The following PRKG2 variants were observed in gnomAD, a reference collection of about 807,000 sequenced individuals.
The protein encoded by PRKG2 is cGMP-dependent protein kinase 2.
PRKG2 carries 33 observed loss-of-function variants against 97.2 expected under a neutral mutation model. The observed-to-expected ratio is 0.34, with a 90% confidence interval of 0.26 to 0.45. The LOEUF (loss-of-function observed/expected upper bound fraction) is 0.45, where lower values mean the gene tolerates loss of function less well. Ranked by LOEUF, PRKG2 falls within the 20% of genes least tolerant of loss-of-function variation. PRKG2 has a pLI of 1.00. For synonymous variants in PRKG2, 330 were observed against 321.8 expected (o/e 1.03, Z -0.27); for missense variants, 638 against 900.0 (o/e 0.71, Z 3.73).
intron 18 of PRKG2, among the ~76,000 whole-genome samples, chr4:81,091,280 T>C (rs912221599): frequency 6.6e-6 from 1 of 151,938 alleles, no homozygotes; most frequent in African/African-American, 2.4e-5. Context: ...GTTTTTATTA[T>C]TATTATTATT....
Position 81,167,224 on chromosome 4 carries a change from A to C in PRKG2, c.849T>G (p.Ser283Arg). The change falls in exon 6 of 19, where the codon AGT becomes AGG. Residue 283 changes from serine (S) to arginine (R), a missense_variant and splice_region_variant. Physicochemically the swap from Ser to Arg is moderately radical, Grantham distance 110 (BLOSUM62 -1). This residue lies in a region of PRKG2 where 332 missense variants were observed against 421.7 expected (regional missense o/e 0.79). Coordinates refer to ENST00000264399, the MANE Select transcript of PRKG2 (RefSeq NM_006259.3). ...CAGGTAAATTCTTCAGCAAGGATACACTTCAAAATTAAAAAGAAACCTTCA... is the reference window on the plus strand; with the variant it reads ...CAGGTAAATTCTTCAGCAAGGATACCCTTCAAAATTAAAAAGAAACCTTCA... ...RDEQYRNFLR[S>R]VSLLKNLPED... is the part of the protein sequence containing the mutation. 6.3e-7 allele frequency: 1 copy of C among 1,579,454 alleles called. No individual in the cohort carries two copies. The highest frequency in any genetic ancestry group is 2.3e-5 in the East Asian group (1 of 44,378).
At chr4:81,210,728 T>C (rs1305102058) in intron 1 of PRKG2, among the ~76,000 whole-genome samples, 1 of 152,182 alleles carries the variant, frequency 6.6e-6, no homozygotes, top group East Asian at 1.9e-4. Flanking sequence ...ATGAGACATA[T>C]GTTTTCACTA....
chr4:81,153,077 T>C (rs932527597), intron 7 of PRKG2, among the ~76,000 whole-genome samples: 2 of 152,250 alleles, frequency 1.3e-5, no homozygotes, highest in African/African-American at 2.4e-5. Flanking sequence ...TTGGAACAAC[T>C]GGCAACATGT....
intron 2 of PRKG2, among the ~76,000 whole-genome samples, chr4:81,204,226 T>G (rs1279602399): frequency 6.6e-6 from 1 of 152,102 alleles, no homozygotes; most frequent in Admixed American, 6.5e-5. Flanking sequence ...TCTCTTTTTT[T>G]TTTTTTTGGC....
At chr4:81,157,896 C>T (rs1403863978) in intron 6 of PRKG2, among the ~76,000 whole-genome samples, 3 of 146,766 alleles carry the variant, frequency 2.0e-5, no homozygotes, top group Non-Finnish European at 4.4e-5. Flanking sequence ...ACGCTAAAAA[C>T]TCTCAATAAA....
At chr4:81,111,391 AACATGATTAATATTATATCATGTTAT>A (rs879660196) in intron 14 of PRKG2, among the ~76,000 whole-genome samples, 154 of 150,724 alleles carry the variant, frequency 1.0e-3, no homozygotes, top group South Asian at 7.3e-3. Context: ...AATGTACACA[AACATGATTAATATTATATCATGTTAT>A]ACATGATTAA....
chr4:81,151,810 T>C (rs934038243), intron 8 of PRKG2, 150 bp downstream of exon 8: 1 of 624,818 alleles, frequency 1.6e-6, no homozygotes, highest in Non-Finnish European at 2.7e-6. Context: ...ATTTCCCGCA[T>C]AAAAATTTAA....
chr4:81,106,243 G>C (rs1743323397), intron 15 of PRKG2, among the ~76,000 whole-genome samples: 1 of 152,168 alleles, frequency 6.6e-6, no homozygotes, highest in African/African-American at 2.4e-5. Flanking sequence ...AATAAGAAAA[G>C]CCTCTCATAG....
rs955383411 is a variant in PRKG2, at chr4:81,089,611, A to G, written c.*97T>C. 6.6e-6 allele frequency: 6 copies of G among 910,078 alleles called. No individual in the cohort carries two copies. The Admixed American group carries it at 1.6e-4, about 24-fold the overall frequency. The allele number at this position is 910,078 out of a possible 1,614,324, so 56.4% of individuals were successfully genotyped here. A position where few individuals can be genotyped will look rare whatever the true frequency, so the allele number is the denominator to read the frequency against. On this transcript the variant is annotated 3_prime_UTR_variant, in exon 19 of 19. Transcript: ENST00000264399. ...TTTCTTTTCCCTAATGGTCTTCCAAAGATATTATAATACTCTGAAAAGAAA... is the reference window on the plus strand; with the variant it reads ...TTTCTTTTCCCTAATGGTCTTCCAAGGATATTATAATACTCTGAAAAGAAA...
chr4:81,151,633 A>C (rs1748412687), intron 8 of PRKG2, among the ~76,000 whole-genome samples: 1 of 152,122 alleles, frequency 6.6e-6, no homozygotes, highest in Admixed American at 6.5e-5. Flanking sequence ...AGTAGGCAAT[A>C]TTTCAAATGT....
chr4:81,154,929 C>T (rs533312280), intron 6 of PRKG2, among the ~76,000 whole-genome samples: 1 of 152,196 alleles, frequency 6.6e-6, no homozygotes, highest in East Asian at 1.9e-4. Flanking sequence ...AATCCCAGCA[C>T]TTTGGGAGGC....
intron 17 of PRKG2, among the ~76,000 whole-genome samples, chr4:81,103,200 T>C (rs1423226839): frequency 6.6e-6 from 1 of 152,210 alleles, no homozygotes; most frequent in African/African-American, 2.4e-5. Context: ...AGGGTACATG[T>C]GCACAACGTG....
intron 14 of PRKG2, among the ~76,000 whole-genome samples, chr4:81,111,192 G>A (rs952321197): frequency 6.6e-6 from 1 of 152,140 alleles, no homozygotes; most frequent in Admixed American, 6.5e-5. Context: ...CGAAAGCAAA[G>A]TCAGGGTAAT....
intron 1 of PRKG2, among the ~76,000 whole-genome samples, chr4:81,214,153 T>TAAA (rs11355853): frequency 5.8e-5 from 7 of 120,330 alleles, no homozygotes; most frequent in Admixed American, 4.3e-4. Flanking sequence ...CTCTCTTCCT[T>TAAA]AAAAAAAAAA....
At chr4:81,169,806 C>T (rs1208733628) in intron 4 of PRKG2, 38 bp from the exon 5 acceptor site, 2 of 1,325,562 alleles carry the variant, frequency 1.5e-6, no homozygotes, top group African/African-American at 1.5e-5. Context: ...ACACTTAGTA[C>T]AACATTGTGA....
At chr4:81,217,485 G>A (rs965315155), upstream of PRKG2, among the ~76,000 whole-genome samples, 5 of 152,118 alleles carry the variant, frequency 3.3e-5, no homozygotes, top group East Asian at 1.9e-4. Context: ...ACAAGGAAAC[G>A]GAGGAAGAGA....
At chr4:81,120,364 T>A (rs1001103248) in intron 14 of PRKG2, among the ~76,000 whole-genome samples, 2 of 152,240 alleles carry the variant, frequency 1.3e-5, no homozygotes, top group Non-Finnish European at 2.9e-5. Context: ...CACTCATTGA[T>A]CAGTTAAATT....
intron 2 of PRKG2, among the ~76,000 whole-genome samples, chr4:81,187,591 C>T (rs1005336641): frequency 6.6e-6 from 1 of 152,040 alleles, no homozygotes; most frequent in Non-Finnish European, 1.5e-5. Context: ...TCCTATTCAA[C>T]ATAGTATTGG....
chr4:81,195,794 C>A (rs1277766869), intron 2 of PRKG2, among the ~76,000 whole-genome samples: 2 of 152,138 alleles, frequency 1.3e-5, no homozygotes, highest in Non-Finnish European at 2.9e-5. Context: ...GTTGTTTCTG[C>A]TTTTTGGCTA....
Sources: gnomAD v4.1 joint callset for allele counts (sites outside exome capture counted in the v4.1 genomes callset) on GRCh38, gnomAD v4.1.1 for gene constraint, gnomAD v4.1.1 regional missense constraint, MANE v1.5 for transcripts, NCBI Gene and HGNC (gene_info 2026-07-23, HGNC 2026-07-21) for gene names.